The following INTS12 variants were observed in gnomAD, a reference collection of about 807,000 sequenced individuals.
INTS12 encodes the protein integrator complex subunit 12.
In INTS12, 13 loss-of-function variants were observed where a neutral mutation model predicts 41.6. That is an observed-to-expected ratio of 0.31 (90% CI 0.20 to 0.50). The LOEUF (loss-of-function observed/expected upper bound fraction) is 0.50. Among genes scored for constraint, INTS12 ranks in the 20% least tolerant of loss-of-function variants. The pLI, the probability that INTS12 is intolerant of heterozygous loss-of-function variation, is 0.98. For synonymous variants in INTS12, 199 were observed against 191.4 expected, an observed-to-expected ratio of 1.04 and a Z score of -0.33; for missense variants, 432 against 541.6, an observed-to-expected ratio of 0.80 and a Z score of 2.01.
At chr4:105,703,356 GA>G (rs1732150673) in intron 2 of INTS12, among the ~76,000 whole-genome samples, 1 of 152,170 alleles carries the variant, frequency 6.6e-6, no homozygotes, top group Non-Finnish European at 1.5e-5. Context: ...TGATAGGAGT[GA>G]ATTCTTAGGT....
At chr4:105,700,064 A>G (rs541287312) in intron 2 of INTS12, 50 bp from the exon 3 acceptor site, 1 of 1,260,962 alleles carries the variant, frequency 7.9e-7, no homozygotes, top group Admixed American at 2.5e-5. Context: ...ACAATTATCT[A>G]TGTTAAAGTT....
intron 2 of INTS12, chr4:105,700,306 CTG>C (rs1732019091): frequency 5.5e-6 from 1 of 182,576 alleles, no homozygotes; most frequent in Non-Finnish European, 1.1e-5. Context: ...TCCTTCCTAA[CTG>C]TGTTTTAAAA....
intron 6 of INTS12, 138 bp downstream of exon 6, chr4:105,691,838 T>C: frequency 1.7e-6 from 1 of 589,946 alleles, no homozygotes. Flanking sequence ...CACATGTACA[T>C]ACTATACATA....
Position 105,693,246 on chromosome 4 carries a change from G to A in INTS12, c.497+53C>T, listed in dbSNP as rs1453524023. ...TTTTGGGGGTTGAGGAGTGGAAAGGGTCATGTGTTCTTTATAAAGTAACAA... is the reference window on the plus strand; with the variant it reads ...TTTTGGGGGTTGAGGAGTGGAAAGGATCATGTGTTCTTTATAAAGTAACAA... On this transcript the variant is annotated intron_variant, in intron 5 of 7. Coordinates refer to ENST00000340139, the MANE Select transcript of INTS12 (RefSeq NM_020395.4). 4.3e-6 allele frequency: 6 copies of A among 1,404,330 alleles called. No individual in the cohort carries two copies. In the Admixed American group the frequency reaches 1.0e-4, roughly 23 times the overall value. 87.0% of individuals were successfully genotyped at this position (1,404,330 alleles called of 1,614,324 possible).
intron 5 of INTS12, among the ~76,000 whole-genome samples, chr4:105,692,596 T>C (rs72671810): frequency 0.045 from 6,773 of 151,704 alleles, 209 homozygotes; most frequent in Middle Eastern, 0.13. Context: ...ACCCCAACAC[T>C]TGGCATGCAC....
chr4:105,699,822 T>C (rs1340894826), intron 3 of INTS12, 28 bp downstream of exon 3: 3 of 1,454,274 alleles, frequency 2.1e-6, no homozygotes, highest in South Asian at 3.2e-5. Flanking sequence ...TACAAAACTC[T>C]CTCCAAGCTT....
Position 105,683,321 on chromosome 4 carries a change from A to C in INTS12, c.805-4T>G, listed in dbSNP as rs753030265. ...TTCCTGAAATAACTGTGGATGTCTA[A>C]AAAAATAAAGTAAATAATTACATTA... On this transcript the variant is annotated splice_region_variant and splice_polypyrimidine_tract_variant and intron_variant, in intron 7 of 7. Coordinates refer to ENST00000340139, the MANE Select transcript of INTS12 (RefSeq NM_020395.4). The C allele has an allele frequency of 8.8e-6, 14 of 1,592,802 alleles. No individual in the cohort carries two copies. In the Middle Eastern group the frequency reaches 6.7e-4, roughly 76 times the overall value.
intron 6 of INTS12, among the ~76,000 whole-genome samples, chr4:105,691,156 T>C (rs1359730448): frequency 6.6e-6 from 1 of 152,214 alleles, no homozygotes. Context: ...AAAGATATAT[T>C]GGTTAGACAA....
At chr4:105,683,794 C>T (rs1358013691) in intron 7 of INTS12, among the ~76,000 whole-genome samples, 1 of 151,792 alleles carries the variant, frequency 6.6e-6, no homozygotes, top group Non-Finnish European at 1.5e-5. Context: ...GAGATTCAGT[C>T]AATATTTATT....
chr4:105,684,859 C>T lies in INTS12; in HGVS notation c.805-1542G>A, dbSNP rs142846724. On this transcript the variant is annotated intron_variant, in intron 7 of 7. Transcript: ENST00000340139. ...TTTCAAAAAACTTCACAAAAGAAAA[C>T]CCACCTTTAGTAATTAAAAGACCAA... 1.4e-4 allele frequency among the ~76,000 whole-genome samples: 22 copies of T among 152,132 alleles called. No individual in the cohort carries two copies. In the East Asian group the frequency reaches 4.2e-3, roughly 29 times the overall value.
At chr4:105,707,840 G>T in intron 1 of INTS12, 1 of 449,940 alleles carries the variant, frequency 2.2e-6, no homozygotes. Context: ...TAAGGCTTCT[G>T]TGATCTCTCC....
chr4:105,689,077 T>C (rs909807322), intron 6 of INTS12, among the ~76,000 whole-genome samples: 2 of 152,160 alleles, frequency 1.3e-5, no homozygotes, highest in African/African-American at 4.8e-5. Context: ...AAAATAGGAG[T>C]GTGTTACTAC....
chr4:105,687,470 A>C (rs1731536771), intron 6 of INTS12, among the ~76,000 whole-genome samples: 1 of 152,130 alleles, frequency 6.6e-6, no homozygotes, highest in African/African-American at 2.4e-5. Context: ...TTTTATTTTG[A>C]CCAATAACTG....
At chr4:105,695,698 A>C in intron 3 of INTS12, 30 bp from the exon 4 acceptor site, 1 of 1,554,536 alleles carries the variant, frequency 6.4e-7, no homozygotes, top group South Asian at 1.1e-5. Context: ...ACCAGTAATT[A>C]AATATTTAGA....
At chr4:105,690,213 G>A (rs1731637277) in intron 6 of INTS12, among the ~76,000 whole-genome samples, 1 of 152,170 alleles carries the variant, frequency 6.6e-6, no homozygotes, top group Admixed American at 6.5e-5. Context: ...AGAGAGGGCT[G>A]TAAGGTAGAG....
chr4:105,706,156 T>A (rs1429348359), intron 1 of INTS12: 8 of 152,198 alleles, frequency 5.3e-5, no homozygotes, highest in African/African-American at 1.9e-4. Context: ...TCTTCTTAGT[T>A]CTGCTAGCAG....
chr4:105,707,045 G>T (rs1560784992), intron 1 of INTS12, among the ~76,000 whole-genome samples: 1 of 152,066 alleles, frequency 6.6e-6, no homozygotes, highest in Non-Finnish European at 1.5e-5. Flanking sequence ...CATTTAAGAA[G>T]ATTCAGTAAC....
chr4:105,703,037 A>G (rs538608594), intron 2 of INTS12: 1 of 984,418 alleles, frequency 1.0e-6, no homozygotes, highest in East Asian at 1.1e-4. Context: ...CACATACAAA[A>G]ATATTTTCCT....
At chr4:105,701,598 C>A (rs1007644468) in intron 2 of INTS12, among the ~76,000 whole-genome samples, 7 of 152,138 alleles carry the variant, frequency 4.6e-5, no homozygotes, top group African/African-American at 1.4e-4. Context: ...GGTAAACCTG[C>A]CATTCCCCCA....
Sources: gnomAD v4.1 joint callset for allele counts (sites outside exome capture counted in the v4.1 genomes callset) on GRCh38, gnomAD v4.1.1 for gene constraint, MANE v1.5 for transcripts, NCBI Gene and HGNC (gene_info 2026-07-23, HGNC 2026-07-21) for gene names.